Variants in TRPC6 observed in about 807,000 individuals in gnomAD.
TRPC6 encodes transient receptor potential cation channel subfamily C member 6.
A neutral mutation model predicts 90.7 loss-of-function variants in TRPC6; 55 were observed. The observed-to-expected ratio is 0.61, with a 90% CI of 0.49 to 0.76. The LOEUF (loss-of-function observed/expected upper bound fraction) is 0.76. Ranked by LOEUF, TRPC6 falls within the 30% of genes least tolerant of loss-of-function variation. The pLI, the probability that TRPC6 is intolerant of heterozygous loss-of-function variation, is 0.00. For synonymous variants in TRPC6, 393 were observed against 393.0 expected (o/e 1.00, Z 0.00); for missense variants, 989 against 1,122.7 (o/e 0.88, Z 1.70).
intron 12 of TRPC6, 134 bp from the exon 13 acceptor site, chr11:101,453,240 C>A: frequency 1.1e-6 from 1 of 893,214 alleles, no homozygotes; most frequent in Non-Finnish European, 1.8e-6. Flanking sequence ...GAAATAACTT[C>A]CTAATTGAGC....
At chr11:101,538,006 C>T (rs1488329484) in intron 1 of TRPC6, among the ~76,000 whole-genome samples, 1 of 152,028 alleles carries the variant, frequency 6.6e-6, no homozygotes, top group Non-Finnish European at 1.5e-5. Flanking sequence ...TGTCCTCTTG[C>T]TTTGTTTTTA....
At chr11:101,494,451 T>C (rs1859897276) in intron 2 of TRPC6, among the ~76,000 whole-genome samples, 1 of 152,188 alleles carries the variant, frequency 6.6e-6, no homozygotes, top group Non-Finnish European at 1.5e-5. Context: ...CTTTATTTTA[T>C]ATCATCAAAG....
At chr11:101,505,672 T>C (rs1043131600) in intron 1 of TRPC6, among the ~76,000 whole-genome samples, 1 of 152,116 alleles carries the variant, frequency 6.6e-6, no homozygotes, top group Non-Finnish European at 1.5e-5. Context: ...GTGCAGGCAG[T>C]GGTCAGAGCA....
At chr11:101,497,716 G>T (rs915850875) in intron 2 of TRPC6, among the ~76,000 whole-genome samples, 3 of 152,024 alleles carry the variant, frequency 2.0e-5, no homozygotes, top group Non-Finnish European at 4.4e-5. Flanking sequence ...TTTATTTTAA[G>T]TTCTGGGATA....
intron 1 of TRPC6, among the ~76,000 whole-genome samples, chr11:101,524,046 G>A (rs985035160): frequency 6.6e-6 from 1 of 152,130 alleles, no homozygotes; most frequent in African/African-American, 2.4e-5. Flanking sequence ...GTCAACACAG[G>A]ATTACCCATA....
chr11:101,475,916 A>G (rs1036983172), intron 6 of TRPC6, among the ~76,000 whole-genome samples: 2 of 128,904 alleles, frequency 1.6e-5, no homozygotes, highest in Admixed American at 1.5e-4. Context: ...ACACACGTGT[A>G]TATATACATA....
At chr11:101,490,793 A>G (rs769058036) in intron 3 of TRPC6, among the ~76,000 whole-genome samples, 2 of 152,196 alleles carry the variant, frequency 1.3e-5, no homozygotes, top group Non-Finnish European at 2.9e-5. Context: ...CTAAGAAAGC[A>G]GAGAATGGGG....
At chr11:101,530,353 T>A (rs531926081) in intron 1 of TRPC6, among the ~76,000 whole-genome samples, 111 of 152,022 alleles carry the variant, frequency 7.3e-4, no homozygotes, top group African/African-American at 2.6e-3. Context: ...AGCTCAGAAA[T>A]TTGTCTCCAG....
At chr11:101,520,830 T>C (rs1261049627) in intron 1 of TRPC6, among the ~76,000 whole-genome samples, 1 of 152,120 alleles carries the variant, frequency 6.6e-6, no homozygotes, top group African/African-American at 2.4e-5. Context: ...CTGTGGAACT[T>C]TGACCTTCAG....
chr11:101,453,862 G>A (rs997082974), intron 11 of TRPC6, 137 bp from the exon 12 acceptor site: 3 of 821,736 alleles, frequency 3.7e-6, no homozygotes, highest in Non-Finnish European at 6.1e-6. Flanking sequence ...AGATGATTCA[G>A]CCAGGATGCA....
chr11:101,493,385 G>T lies in TRPC6; in HGVS notation c.946-1647C>A, dbSNP rs372879715. Among the ~76,000 whole-genome samples, 652 of 152,256 alleles carry T rather than the reference G, an allele frequency of 4.3e-3. 7 individuals are homozygous for T. Among genetic ancestry groups the T allele is most frequent in the South Asian group, 0.018 (89 of 4,828 alleles). ...CTTGGGGTGTGGGTTGGACAAGCTTGAGCTAGAGCTTGTTGTATTGCAGGT... is the reference window on the plus strand; with the variant it reads ...CTTGGGGTGTGGGTTGGACAAGCTTTAGCTAGAGCTTGTTGTATTGCAGGT... On this transcript the variant is annotated intron_variant, in intron 2 of 12. Transcript: ENST00000344327.
intron 1 of TRPC6, among the ~76,000 whole-genome samples, chr11:101,512,879 T>G (rs1860427355): frequency 6.6e-6 from 1 of 152,216 alleles, no homozygotes; most frequent in South Asian, 2.1e-4. Flanking sequence ...CACAAGCACA[T>G]TTTCCAATTC....
chr11:101,464,888 G>A (rs560455333), intron 10 of TRPC6, among the ~76,000 whole-genome samples: 4 of 152,270 alleles, frequency 2.6e-5, no homozygotes, highest in South Asian at 4.1e-4. Flanking sequence ...TCATAGTGTC[G>A]ATGGTCTTTA....
At chr11:101,569,136 C>T (rs1196847158) in intron 1 of TRPC6, among the ~76,000 whole-genome samples, 1 of 150,370 alleles carries the variant, frequency 6.7e-6, no homozygotes, top group East Asian at 1.9e-4. Flanking sequence ...CAAAGACACA[C>T]ACATAAGCTC....
intron 1 of TRPC6, among the ~76,000 whole-genome samples, chr11:101,548,471 T>C (rs1375815079): frequency 4.2e-5 from 2 of 47,650 alleles, no homozygotes; most frequent in African/African-American, 1.8e-4. Context: ...TATATATATA[T>C]ATATATCTCT....
intron 5 of TRPC6, 32 bp downstream of exon 5, chr11:101,482,917 A>G: frequency 1.2e-6 from 2 of 1,610,102 alleles, no homozygotes; most frequent in Non-Finnish European, 1.7e-6. Flanking sequence ...TAAGACTGCA[A>G]ACAGAAAACA....
chr11:101,526,605 G>A (rs1860784268), intron 1 of TRPC6, among the ~76,000 whole-genome samples: 3 of 151,924 alleles, frequency 2.0e-5, no homozygotes. Context: ...GCTCACACCT[G>A]TAATCCCAGC....
chr11:101,509,662 C>T (rs947762219), intron 1 of TRPC6, among the ~76,000 whole-genome samples: 1 of 152,186 alleles, frequency 6.6e-6, no homozygotes, highest in East Asian at 1.9e-4. Context: ...TTCTAAATTA[C>T]TGTGGCTTTT....
rs529114137 is a variant in TRPC6, at chr11:101,463,142, C to A, written c.2484+6285G>T. 5.3e-5 allele frequency among the ~76,000 whole-genome samples: 8 copies of A among 152,312 alleles called. No homozygotes were observed. In the East Asian group the frequency reaches 1.5e-3, roughly 29 times the overall value. On this transcript the variant is annotated intron_variant, in intron 10 of 12. Transcript: ENST00000344327. ...ATTTGCGTATGTTGAACCAGCCTTG[C>A]ATCCCAGGGATGAAGCCGGCTTGAT...
Sources: gnomAD v4.1 joint callset for allele counts (sites outside exome capture counted in the v4.1 genomes callset) on GRCh38, gnomAD v4.1.1 for gene constraint, MANE v1.5 for transcripts, NCBI Gene and HGNC (gene_info 2026-07-23, HGNC 2026-07-21) for gene names.